The following OCA2 variants were observed in gnomAD, a reference collection of about 807,000 sequenced individuals.
OCA2 encodes OCA2 melanosomal transmembrane protein.
OCA2 carries 77 observed loss-of-function variants against 100.2 expected under a neutral mutation model. The ratio of observed to expected loss-of-function variants is 0.77; its 90% CI spans 0.64 to 0.93. OCA2 has a LOEUF of 0.93. Among genes scored for constraint, OCA2 ranks in the 40% least tolerant of loss-of-function variants. OCA2 has a pLI of 0.00. For missense variants in OCA2, 1,062 were observed against 1,089.1 expected, an observed-to-expected ratio of 0.98 and a Z score of 0.35; for synonymous variants, 432 against 439.2, an observed-to-expected ratio of 0.98 and a Z score of 0.21.
At chr15:27,901,795 A>G (rs1424945771) in intron 19 of OCA2, among the ~76,000 whole-genome samples, 3 of 152,156 alleles carry the variant, frequency 2.0e-5, no homozygotes, top group Non-Finnish European at 2.9e-5. Context: ...AAGTCCCCAG[A>G]CCTAAGTCCC....
chr15:27,854,366 AGTCCAGGGTC>A (rs1220466905), intron 21 of OCA2, among the ~76,000 whole-genome samples: 1 of 152,242 alleles, frequency 6.6e-6, no homozygotes, highest in East Asian at 1.9e-4. Flanking sequence ...TGTCTCCACC[AGTCCAGGGTC>A]TGGTTCTCGA....
rs1434037724 is a variant in OCA2 at position 28,077,225 on chromosome 15, A to G, written c.227+4423T>C. 4.6e-5 allele frequency among the ~76,000 whole-genome samples: 7 copies of G among 151,862 alleles called. No individual in the cohort carries two copies. In the South Asian group the frequency reaches 1.5e-3, roughly 32 times the overall value. ...TAGGCATGTGCCACCAGGCCCGGAT[A>G]ATTTTGTATTTTTAGTAGAGACGGG... On this transcript the variant is annotated intron_variant, in intron 2 of 23. Coordinates refer to ENST00000354638, the MANE Select transcript of OCA2 (RefSeq NM_000275.3).
chr15:28,056,659 G>T (rs2043709024), intron 2 of OCA2, among the ~76,000 whole-genome samples: 1 of 152,258 alleles, frequency 6.6e-6, no homozygotes, highest in Non-Finnish European at 1.5e-5. Context: ...GGATGGCAGT[G>T]TGGCTCCCAG....
intron 23 of OCA2, among the ~76,000 whole-genome samples, chr15:27,842,649 G>T (rs753694989): frequency 3.9e-5 from 6 of 152,186 alleles, no homozygotes; most frequent in Non-Finnish European, 8.8e-5. Flanking sequence ...CAAAAACAAG[G>T]AAGGAACTCT....
chr15:28,026,995 C>T (rs1381549984), intron 4 of OCA2, among the ~76,000 whole-genome samples: 1 of 152,220 alleles, frequency 6.6e-6, no homozygotes, highest in African/African-American at 2.4e-5. Context: ...CTGCGATGGG[C>T]GCTCAGCGAC....
intron 23 of OCA2, among the ~76,000 whole-genome samples, chr15:27,811,821 G>A (rs1191236920): frequency 1.3e-5 from 2 of 152,126 alleles, no homozygotes; most frequent in Admixed American, 1.3e-4. Context: ...AATAAGACCA[G>A]GTCACTGGAT....
At chr15:28,081,947 C>T (rs1353019680) in intron 1 of OCA2, 52 bp from the exon 2 acceptor site, 7 of 1,433,976 alleles carry the variant, frequency 4.9e-6, no homozygotes, top group South Asian at 2.4e-5. Context: ...CTGAGACTAA[C>T]GTTTGCACCT....
At chr15:27,788,545 T>C (rs561285064) in intron 23 of OCA2, among the ~76,000 whole-genome samples, 17 of 152,238 alleles carry the variant, frequency 1.1e-4, no homozygotes, top group Admixed American at 6.5e-5. Context: ...CCATTCCATT[T>C]ATCTTTTTCC....
intron 6 of OCA2, among the ~76,000 whole-genome samples, chr15:28,020,684 C>T (rs1422102762): frequency 2.6e-5 from 4 of 152,228 alleles, no homozygotes; most frequent in African/African-American, 9.6e-5. Context: ...CATGGAGATA[C>T]TTTACAGCTC....
intron 18 of OCA2, 32 bp downstream of exon 18, chr15:27,951,752 A>G (rs779638155): frequency 7.0e-7 from 1 of 1,422,888 alleles, no homozygotes; most frequent in Non-Finnish European, 9.9e-7. Context: ...GAATGTGACA[A>G]AGCCTATGAA....
chr15:27,826,196 G>A (rs780395141), intron 23 of OCA2, among the ~76,000 whole-genome samples: 6 of 152,216 alleles, frequency 3.9e-5, no homozygotes, highest in Non-Finnish European at 5.9e-5. Flanking sequence ...TTCCCCAGGC[G>A]CCCTGTTAGG....
At chr15:27,740,451 C>A in the OCA2 span, among the ~76,000 whole-genome samples, 2 of 152,092 alleles carry the variant, frequency 1.3e-5, no homozygotes, top group African/African-American at 4.8e-5. Context: ...CAAAGCCTTC[C>A]TGGGTCCACT....
Position 27,908,042 on chromosome 15 carries a change from G to A in OCA2, c.2079+18085C>T, listed in dbSNP as rs527320001. Among the ~76,000 whole-genome samples, 28 of 151,268 alleles carry A rather than the reference G, an allele frequency of 1.9e-4. No homozygotes were observed. In the East Asian group the frequency reaches 4.5e-3, roughly 24 times the overall value. On this transcript the variant is annotated intron_variant, in intron 19 of 23. Coordinates refer to ENST00000354638, the MANE Select transcript of OCA2 (RefSeq NM_000275.3). ...AGTGTGACAATGATACCTAAACCAC[G>A]TAAAGACTCATTAAGAAAAAAAAAG...
At chr15:27,815,684 G>A (rs1473462772) in intron 23 of OCA2, among the ~76,000 whole-genome samples, 1 of 152,206 alleles carries the variant, frequency 6.6e-6, no homozygotes, top group Non-Finnish European at 1.5e-5. Flanking sequence ...CTCATAGGAT[G>A]GAACACATGT....
chr15:27,875,735 C>T (rs2151518002), intron 19 of OCA2, among the ~76,000 whole-genome samples: 1 of 150,776 alleles, frequency 6.6e-6, no homozygotes, highest in Non-Finnish European at 1.5e-5. Context: ...CTTGAGCATA[C>T]TTTTTTTTTA....
intron 19 of OCA2, among the ~76,000 whole-genome samples, chr15:27,899,965 T>C (rs1057231655): frequency 5.9e-5 from 9 of 152,078 alleles, no homozygotes; most frequent in Non-Finnish European, 1.3e-4. Flanking sequence ...GCTCAGTGGA[T>C]TTGCGGGTCC....
chr15:27,720,378 A>AAT, the OCA2 span, among the ~76,000 whole-genome samples: 1 of 149,814 alleles, frequency 6.7e-6, no homozygotes, highest in African/African-American at 2.4e-5. Flanking sequence ...ATATATATAT[A>AAT]ATATATATGT....
Position 27,983,399 on chromosome 15 carries a change from G to A in OCA2, c.1449C>T (p.Ala483=), listed in dbSNP as rs2041233712. 1 of 1,614,182 alleles carries A rather than the reference G, an allele frequency of 6.2e-7. No homozygotes were observed. The highest frequency in any genetic ancestry group is 8.5e-7 in the Non-Finnish European group (1 of 1,180,030). ...IFTNIGGAAT[A]IGDPPNVIIV... ...TAATGACATTTGGAGGGTCCCCGAT[G>A]GCAGTGGCAGCTCCTCCAATGTTTG... is the stretch of plus-strand genomic sequence containing the variant. The change falls in exon 14 of 24, where the codon GCC becomes GCT. Residue 483 remains alanine (A), a synonymous_variant. Transcript: ENST00000354638.
chr15:27,800,961 T>C (rs1479437091), intron 23 of OCA2, among the ~76,000 whole-genome samples: 2 of 152,122 alleles, frequency 1.3e-5, no homozygotes, highest in African/African-American at 4.8e-5. Flanking sequence ...AGTGAGACCC[T>C]ACCTCGAAAA....
Sources: allele counts gnomAD v4.1 joint callset (sites outside exome capture counted in the v4.1 genomes callset), GRCh38; gene constraint gnomAD v4.1.1; transcripts MANE v1.5; gene names NCBI Gene and HGNC (gene_info 2026-07-23, HGNC 2026-07-21).